AGBL4: variants seen among roughly 807,000 people sequenced by gnomAD.
The protein encoded by AGBL4 is cytosolic carboxypeptidase 6.
Under a neutral mutation model 66.4 loss-of-function variants are expected in AGBL4, and 58 were observed. That is an observed-to-expected ratio of 0.87 (90% CI 0.71 to 1.09). The LOEUF (loss-of-function observed/expected upper bound fraction) is 1.09, where lower values mean the gene tolerates loss of function less well. Ranked by LOEUF, AGBL4 falls within the 50% of genes least tolerant of loss-of-function variation. AGBL4 has a pLI of 0.00. For missense variants in AGBL4, 579 were observed against 631.0 expected (o/e 0.92, Z 0.88); for synonymous variants, 234 against 222.9 (o/e 1.05, Z -0.44).
At chr1:49,856,631 T>C (rs990279877) in intron 1 of AGBL4, among the ~76,000 whole-genome samples, 59 of 152,106 alleles carry the variant, frequency 3.9e-4, no homozygotes, top group Non-Finnish European at 4.7e-4. Flanking sequence ...AAAAACTGTA[T>C]GATCACCTTA....
Position 49,060,913 on chromosome 1 carries a change from C to T in AGBL4, c.378-15113G>A, listed in dbSNP as rs1212127307. Among the ~76,000 whole-genome samples, 35 of 152,044 alleles carry T rather than the reference C, an allele frequency of 2.3e-4. 1 individual carries two copies. The highest frequency in any genetic ancestry group is 2.9e-5 in the Non-Finnish European group (2 of 68,018). On this transcript the variant is annotated intron_variant, in intron 4 of 13. Transcript: ENST00000371839. ...GGAGTCCAAGAAAGCCAGGAAATGG[C>T]CTAAATTCCAGGTTGTCAAATCCAG...
At chr1:49,925,225 A>G (rs1018782007) in intron 1 of AGBL4, among the ~76,000 whole-genome samples, 3 of 152,214 alleles carry the variant, frequency 2.0e-5, no homozygotes, top group African/African-American at 7.2e-5. Context: ...GGCACCTGGC[A>G]GAGTCACGGG....
At chr1:49,460,217 A>G (rs1002040230) in intron 3 of AGBL4, among the ~76,000 whole-genome samples, 11 of 151,664 alleles carry the variant, frequency 7.3e-5, no homozygotes, top group African/African-American at 2.7e-4. Flanking sequence ...CGGTGTTGCT[A>G]TCTACCTCAT....
intron 11 of AGBL4, among the ~76,000 whole-genome samples, chr1:48,580,276 C>T (rs768593982): frequency 6.6e-6 from 1 of 152,204 alleles, no homozygotes; most frequent in African/African-American, 2.4e-5. Context: ...TAAAGAAGTT[C>T]GTGAGGGACT....
chr1:49,778,263 T>C (rs1443272666), intron 2 of AGBL4, among the ~76,000 whole-genome samples: 4 of 152,044 alleles, frequency 2.6e-5, no homozygotes, highest in African/African-American at 7.2e-5. Context: ...GGTGCTGCCA[T>C]CTCCAACTAC....
At chr1:48,804,377 A>G (rs1645875948) in intron 6 of AGBL4, among the ~76,000 whole-genome samples, 1 of 152,186 alleles carries the variant, frequency 6.6e-6, no homozygotes, top group Non-Finnish European at 1.5e-5. Context: ...CCTCCCAACA[A>G]TTCTGAGAGT....
At chr1:48,829,168 T>C (rs1558023733) in intron 6 of AGBL4, among the ~76,000 whole-genome samples, 1 of 152,194 alleles carries the variant, frequency 6.6e-6, no homozygotes, top group Non-Finnish European at 1.5e-5. Context: ...ATTGTGGTCT[T>C]AGTGTGGACA....
chr1:48,996,782 G>A (rs1223363563), intron 5 of AGBL4, among the ~76,000 whole-genome samples: 1 of 144,156 alleles, frequency 6.9e-6, no homozygotes, highest in Non-Finnish European at 1.5e-5. Flanking sequence ...TATAGCCAGA[G>A]GAAAATGTGG....
At chr1:49,025,597 A>G (rs1248136351) in intron 5 of AGBL4, 2 of 152,172 alleles carry the variant, frequency 1.3e-5, no homozygotes, top group Non-Finnish European at 2.9e-5. Flanking sequence ...CTAATGTTAT[A>G]TATCTTCTGA....
chr1:49,021,355 C>T (rs543690447), intron 5 of AGBL4, among the ~76,000 whole-genome samples: 175 of 152,236 alleles, frequency 1.1e-3, no homozygotes, highest in African/African-American at 3.9e-3. Context: ...ATGGTCTGAA[C>T]GTTTGTGTCC....
rs1023715450 is a variant in AGBL4, at chr1:49,917,901, A to G, written c.35-66383T>C. 1.4e-4 allele frequency among the ~76,000 whole-genome samples: 22 copies of G among 152,212 alleles called. No individual in the cohort carries two copies. In the South Asian group the frequency reaches 3.5e-3, roughly 24 times the overall value. ...CAAACTCTCTCTCAGACCACAGTGC[A>G]ATCAAACTAGAACTCAGGATTAAGA... On this transcript the variant is annotated intron_variant, in intron 1 of 13. Coordinates refer to ENST00000371839, the MANE Select transcript of AGBL4 (RefSeq NM_032785.4).
At chr1:48,930,042 G>A (rs562685764) in intron 5 of AGBL4, among the ~76,000 whole-genome samples, 11 of 152,142 alleles carry the variant, frequency 7.2e-5, no homozygotes, top group East Asian at 1.9e-4. Flanking sequence ...TCTAGCCCTC[G>A]TTTTTCTAGG....
At chr1:48,956,492 A>C (rs1387167176) in intron 5 of AGBL4, among the ~76,000 whole-genome samples, 2 of 152,220 alleles carry the variant, frequency 1.3e-5, no homozygotes, top group African/African-American at 4.8e-5. Flanking sequence ...CCTTTCTTTA[A>C]AAATTTTCCC....
At chr1:48,648,349 A>T (rs987284910) in intron 8 of AGBL4, among the ~76,000 whole-genome samples, 2 of 152,326 alleles carry the variant, frequency 1.3e-5, no homozygotes, top group South Asian at 4.1e-4. Flanking sequence ...TTACATTAGC[A>T]TAATGTCCTC....
intron 1 of AGBL4, among the ~76,000 whole-genome samples, chr1:49,934,853 C>T (rs544178345): frequency 6.6e-6 from 1 of 151,518 alleles, no homozygotes; most frequent in African/African-American, 2.4e-5. Context: ...GAGAGGGCAG[C>T]CAAGATGGCC....
intron 1 of AGBL4, among the ~76,000 whole-genome samples, chr1:49,886,651 G>A (rs191418767): frequency 6.6e-6 from 1 of 152,230 alleles, no homozygotes; most frequent in East Asian, 1.9e-4. Flanking sequence ...AGTGTTAGAG[G>A]AGCAAGAAGT....
intron 3 of AGBL4, among the ~76,000 whole-genome samples, chr1:49,566,254 T>G (rs1234274627): frequency 6.6e-6 from 1 of 152,184 alleles, no homozygotes; most frequent in Non-Finnish European, 1.5e-5. Flanking sequence ...AATTTCCTCC[T>G]TTAGCTCAGA....
intron 3 of AGBL4, among the ~76,000 whole-genome samples, chr1:49,566,738 G>C (rs548590680): frequency 6.6e-6 from 1 of 152,090 alleles, no homozygotes; most frequent in African/African-American, 2.4e-5. Context: ...TAGGCTACTC[G>C]GGGGTTAGGG....
chr1:48,812,587 G>T (rs1039311154), intron 6 of AGBL4, among the ~76,000 whole-genome samples: 2 of 152,168 alleles, frequency 1.3e-5, no homozygotes, highest in Non-Finnish European at 2.9e-5. Context: ...ATTTCTGGGA[G>T]AAAAACATTC....
Sources: gnomAD v4.1 joint callset for allele counts (sites outside exome capture counted in the v4.1 genomes callset) on GRCh38, gnomAD v4.1.1 for gene constraint, MANE v1.5 for transcripts, NCBI Gene and HGNC (gene_info 2026-07-23, HGNC 2026-07-21) for gene names.